The following MYO1D variants were observed in gnomAD, a reference collection of about 807,000 sequenced individuals.
MYO1D encodes unconventional myosin-Id.
Under a neutral mutation model 122.0 loss-of-function variants are expected in MYO1D, and 83 were observed. The ratio of observed to expected loss-of-function variants is 0.68; its 90% CI spans 0.57 to 0.82. The LOEUF (loss-of-function observed/expected upper bound fraction) is 0.82. MYO1D is among the 40% of genes least tolerant of loss of function. The pLI is 0.00. For synonymous variants in MYO1D, 464 were observed against 446.9 expected (o/e 1.04, Z -0.48); for missense variants, 1,157 against 1,269.5 (o/e 0.91, Z 1.35).
chr17:32,649,567 CTTTTTTT>C (rs35514290), intron 19 of MYO1D, among the ~76,000 whole-genome samples: 6 of 94,082 alleles, frequency 6.4e-5, no homozygotes, highest in African/African-American at 2.2e-4. Context: ...TTCTTTCTTT[CTTTTTTT>C]TTTTTTTTTT....
intron 7 of MYO1D, 114 bp downstream of exon 7, chr17:32,767,522 G>A (rs575040834): frequency 3.9e-4 from 245 of 629,306 alleles, no homozygotes; most frequent in African/African-American, 3.2e-3. Flanking sequence ...TTCAAAATAC[G>A]TACAAAATTT....
chr17:32,593,521 C>A (rs923244773), intron 21 of MYO1D, among the ~76,000 whole-genome samples: 1 of 152,136 alleles, frequency 6.6e-6, no homozygotes, highest in Non-Finnish European at 1.5e-5. Flanking sequence ...GTACAGAAGA[C>A]GGAGGGAATC....
At chr17:32,745,406 A>T in intron 12 of MYO1D, 121 bp from the exon 13 acceptor site, 1 of 634,682 alleles carries the variant, frequency 1.6e-6, no homozygotes, top group East Asian at 2.8e-5. Context: ...CTAAAAGCTG[A>T]TATTGTTCAT....
chr17:32,753,550 T>C (rs1284254573), intron 11 of MYO1D, among the ~76,000 whole-genome samples: 2 of 152,214 alleles, frequency 1.3e-5, no homozygotes, highest in Admixed American at 1.3e-4. Flanking sequence ...AATTACTATT[T>C]AGCATTTCAT....
chr17:32,635,288 G>A (rs2088081790), intron 20 of MYO1D, among the ~76,000 whole-genome samples: 1 of 152,226 alleles, frequency 6.6e-6, no homozygotes, highest in Non-Finnish European at 1.5e-5. Context: ...GCAAAACTCA[G>A]GTTGTGGAGG....
intron 16 of MYO1D, among the ~76,000 whole-genome samples, chr17:32,683,041 C>T (rs1244594296): frequency 3.4e-5 from 4 of 119,264 alleles, no homozygotes; most frequent in African/African-American, 1.4e-4. Flanking sequence ...TTGATCGCAT[C>T]GGCTCCTGAG....
At chr17:32,536,027 T>C (rs556978301) in intron 21 of MYO1D, among the ~76,000 whole-genome samples, 1 of 152,142 alleles carries the variant, frequency 6.6e-6, no homozygotes, top group East Asian at 1.9e-4. Flanking sequence ...CAGACTCTTT[T>C]TTTTGTTTTT....
At chr17:32,638,634 G>A in intron 20 of MYO1D, 88 bp downstream of exon 20, 1 of 791,098 alleles carries the variant, frequency 1.3e-6, no homozygotes, top group Non-Finnish European at 2.0e-6. Context: ...AAGCCCCAAA[G>A]ATTCTAGAAC....
chr17:32,651,753 G>A (rs2150948802), intron 19 of MYO1D, among the ~76,000 whole-genome samples: 1 of 146,638 alleles, frequency 6.8e-6, no homozygotes, highest in African/African-American at 2.5e-5. Flanking sequence ...TCGGCTCACT[G>A]CAACCTCTGC....
intron 16 of MYO1D, among the ~76,000 whole-genome samples, chr17:32,708,444 T>C (rs1273283642): frequency 6.6e-6 from 1 of 152,228 alleles, no homozygotes; most frequent in Non-Finnish European, 1.5e-5. Context: ...AGTATAGCTA[T>C]TTTTATTTTA....
chr17:32,607,646 G>A (rs975408611), intron 20 of MYO1D, among the ~76,000 whole-genome samples: 2 of 151,964 alleles, frequency 1.3e-5, no homozygotes, highest in Admixed American at 1.3e-4. Context: ...ATTTTTTGTA[G>A]GTATCAACAA....
At chr17:32,840,131 T>C (rs1176014675) in intron 1 of MYO1D, among the ~76,000 whole-genome samples, 1 of 152,192 alleles carries the variant, frequency 6.6e-6, no homozygotes, top group Non-Finnish European at 1.5e-5. Context: ...GTAGTTCTTA[T>C]CCTCCTGGGG....
At chr17:32,591,333 T>C (rs1220884404) in intron 21 of MYO1D, among the ~76,000 whole-genome samples, 2 of 152,234 alleles carry the variant, frequency 1.3e-5, no homozygotes, top group Non-Finnish European at 2.9e-5. Context: ...TAGGTTAAGT[T>C]CATTATGTGG....
At chr17:32,570,208 C>T (rs534302586) in intron 21 of MYO1D, among the ~76,000 whole-genome samples, 1 of 152,222 alleles carries the variant, frequency 6.6e-6, no homozygotes, top group African/African-American at 2.4e-5. Flanking sequence ...CAGTGGAACC[C>T]AGAACCAGAG....
chr17:32,721,643 T>C (rs2089512419), intron 14 of MYO1D, among the ~76,000 whole-genome samples: 1 of 152,208 alleles, frequency 6.6e-6, no homozygotes, highest in Non-Finnish European at 1.5e-5. Flanking sequence ...ATATAGTAAG[T>C]GCTCCTTAAG....
chr17:32,762,077 C>A (rs2090007359), intron 8 of MYO1D, among the ~76,000 whole-genome samples: 1 of 151,900 alleles, frequency 6.6e-6, no homozygotes, highest in East Asian at 1.9e-4. Context: ...TTAATCTATG[C>A]AGTGCTCAGG....
chr17:32,767,503 A>C (rs2090069733), intron 7 of MYO1D, 133 bp downstream of exon 7: 1 of 571,582 alleles, frequency 1.7e-6, no homozygotes, highest in Non-Finnish European at 3.1e-6. Flanking sequence ...CCACAGACAT[A>C]GTAATTTCTT....
At chr17:32,775,754 G>C in intron 4 of MYO1D, 110 bp downstream of exon 4, 5 of 932,828 alleles carry the variant, frequency 5.4e-6, no homozygotes, top group Non-Finnish European at 7.8e-6. Flanking sequence ...ATGAAGAAGG[G>C]AGAATAGGAT....
At chr17:32,865,859 C>T (rs1046563062) in intron 1 of MYO1D, among the ~76,000 whole-genome samples, 5 of 152,196 alleles carry the variant, frequency 3.3e-5, no homozygotes, top group African/African-American at 1.2e-4. Flanking sequence ...GAGGAACTAG[C>T]AGATGTTCTT....
Sources: gnomAD v4.1 joint callset for allele counts (sites outside exome capture counted in the v4.1 genomes callset) on GRCh38, gnomAD v4.1.1 for gene constraint, MANE v1.5 for transcripts, NCBI Gene and HGNC (gene_info 2026-07-23, HGNC 2026-07-21) for gene names.